The following METTL24 variants were observed in gnomAD, a reference collection of about 807,000 sequenced individuals.
METTL24 encodes probable methyltransferase-like protein 24.
Under a neutral mutation model 32.7 loss-of-function variants are expected in METTL24, and 29 were observed. That is an observed-to-expected ratio of 0.89 (90% CI 0.66 to 1.21). The LOEUF (loss-of-function observed/expected upper bound fraction) is 1.21. Among genes scored for constraint, METTL24 ranks in the 50% most tolerant of loss-of-function variants. METTL24 has a pLI of 0.00. For missense variants in METTL24, 439 were observed against 468.1 expected (o/e 0.94, Z 0.57); for synonymous variants, 163 against 179.5 (o/e 0.91, Z 0.73).
Position 110,244,048 on chromosome 6 carries a change from T to C in METTL24, c.*1898A>G, listed in dbSNP as rs1289928920. Among the ~76,000 whole-genome samples the C allele has an allele frequency of 6.6e-6, 1 of 152,216 alleles. No individual in the cohort carries two copies. Among genetic ancestry groups the C allele is most frequent in the African/African-American group, 2.4e-5 (1 of 41,460 alleles). Reference sequence around the variant, plus strand: ...TTTGAACCGCTGAGAACCTAAACTTTCCACTTAACTTTTAATGTAGAAAGG... The same window carrying C: ...TTTGAACCGCTGAGAACCTAAACTTCCCACTTAACTTTTAATGTAGAAAGG... On this transcript the variant is annotated 3_prime_UTR_variant, in exon 5 of 5. Transcript: ENST00000338882.
chr6:110,342,244 G>C (rs1562243457), intron 1 of METTL24, among the ~76,000 whole-genome samples: 2 of 152,198 alleles, frequency 1.3e-5, no homozygotes, highest in Non-Finnish European at 2.9e-5. Context: ...TTCTAATGCA[G>C]GGCTGTGTGT....
At chr6:110,316,160 A>C (rs1446383181) in intron 2 of METTL24, among the ~76,000 whole-genome samples, 1 of 152,218 alleles carries the variant, frequency 6.6e-6, no homozygotes, top group East Asian at 1.9e-4. Flanking sequence ...GGAGAAGGGC[A>C]ACAGCCCCAG....
In METTL24 at chr6:110,295,839, A is replaced by AAGGAAGGAAGGAAGGT. The variant is rs1489372551; in HGVS notation, c.786+3082_786+3083insACCTTCCTTCCTTCCT. ...GAAGGAAGGAAGGAAGGAAGGAAGG[A>AAGGAAGGAAGGAAGGT]AGGTTCTCTATAAAATGTACTAAAA... is the stretch of plus-strand genomic sequence containing the variant. On this transcript the variant is annotated intron_variant, in intron 4 of 4. Transcript: ENST00000338882. Among the ~76,000 whole-genome samples the AAGGAAGGAAGGAAGGT allele has an allele frequency of 2.4e-3, 351 of 149,262 alleles. 2 individuals are homozygous for AAGGAAGGAAGGAAGGT. The highest frequency in any genetic ancestry group is 7.3e-3 in the African/African-American group (300 of 41,068).
intron 3 of METTL24, among the ~76,000 whole-genome samples, chr6:110,302,518 CATATGTGTATAT>C (rs1562230828): frequency 2.6e-5 from 3 of 114,876 alleles, no homozygotes; most frequent in African/African-American, 9.3e-5. Flanking sequence ...TATACACACA[CATATGTGTATAT>C]ATACACATAT....
intron 4 of METTL24, among the ~76,000 whole-genome samples, chr6:110,283,775 CA>C (rs1422044733): frequency 6.6e-6 from 1 of 152,054 alleles, no homozygotes; most frequent in East Asian, 1.9e-4. Flanking sequence ...GGTGGTTCCT[CA>C]AAAAATTAAA....
At chr6:110,288,681 A>G (rs1771266838) in intron 4 of METTL24, among the ~76,000 whole-genome samples, 1 of 152,186 alleles carries the variant, frequency 6.6e-6, no homozygotes, top group African/African-American at 2.4e-5. Context: ...CAAAAAGGAC[A>G]CAGCAGAGCT....
intron 4 of METTL24, among the ~76,000 whole-genome samples, chr6:110,260,927 G>C (rs1431946775): frequency 6.6e-6 from 1 of 152,158 alleles, no homozygotes; most frequent in Non-Finnish European, 1.5e-5. Flanking sequence ...GAGAGATTTT[G>C]TCACCACAAG....
intron 3 of METTL24, among the ~76,000 whole-genome samples, chr6:110,306,579 ATTAAT>A (rs1771631731): frequency 1.3e-5 from 2 of 152,146 alleles, no homozygotes; most frequent in Admixed American, 6.5e-5. Flanking sequence ...AATTTTTTGG[ATTAAT>A]TTATGTTATA....
intron 4 of METTL24, among the ~76,000 whole-genome samples, chr6:110,246,807 T>A (rs1405327098): frequency 3.3e-5 from 5 of 152,166 alleles, no homozygotes; most frequent in African/African-American, 4.8e-5. Context: ...GGGACTATCT[T>A]GCAGGCCTCA....
intron 3 of METTL24, among the ~76,000 whole-genome samples, chr6:110,303,135 T>C (rs772593928): frequency 3.3e-5 from 5 of 152,160 alleles, no homozygotes; most frequent in Non-Finnish European, 7.3e-5. Flanking sequence ...CCAGCCCGGA[T>C]ACTACGCTTT....
intron 1 of METTL24, among the ~76,000 whole-genome samples, chr6:110,352,281 C>T (rs1288024548): frequency 6.6e-6 from 1 of 152,226 alleles, no homozygotes; most frequent in Non-Finnish European, 1.5e-5. Context: ...TTAACAACCT[C>T]TGTCTTATAG....
intron 4 of METTL24, among the ~76,000 whole-genome samples, chr6:110,262,799 G>T (rs1396221176): frequency 6.6e-6 from 1 of 152,206 alleles, no homozygotes; most frequent in African/African-American, 2.4e-5. Flanking sequence ...TCCCTGGGAT[G>T]CAAGGCTGGT....
intron 4 of METTL24, among the ~76,000 whole-genome samples, chr6:110,297,018 A>G (rs1771431902): frequency 6.6e-6 from 1 of 152,242 alleles, no homozygotes; most frequent in Admixed American, 6.5e-5. Context: ...CCAAAAAAAA[A>G]TCTCTATGGA....
rs372914016 is a variant in METTL24 at position 110,335,563 on chromosome 6, ATTGTTTTTTTT to A, written c.319-12702_319-12692del. On this transcript the variant is annotated intron_variant, in intron 1 of 4. Transcript: ENST00000338882. The stretch of plus-strand genomic sequence containing the variant: ...ACTTGCTTTGTACTTGTAGGGAATC[ATTGTTTTTTTT>A]TTTTTTTTTTTTTTTTTTTTATGAA... Among the ~76,000 whole-genome samples the A allele has an allele frequency of 1.5e-4, 17 of 113,650 alleles. 2 individuals carry two copies. The highest frequency in any genetic ancestry group is 1.4e-4 in the African/African-American group (4 of 27,794). The allele number at this position is 113,650 out of a possible 152,430, so 74.6% of individuals were successfully genotyped here. A position where few individuals can be genotyped will look rare whatever the true frequency, so the allele number is the denominator to read the frequency against.
intron 4 of METTL24, among the ~76,000 whole-genome samples, chr6:110,276,602 G>T (rs1771051382): frequency 6.6e-6 from 1 of 152,186 alleles, no homozygotes; most frequent in Non-Finnish European, 1.5e-5. Flanking sequence ...TCATTGGAAG[G>T]CCTTTCAGAA....
chr6:110,272,561 G>A (rs1770976826), intron 4 of METTL24, among the ~76,000 whole-genome samples: 1 of 152,170 alleles, frequency 6.6e-6, no homozygotes, highest in African/African-American at 2.4e-5. Context: ...TTCCATAGTG[G>A]TTGAACTAAT....
intron 4 of METTL24, among the ~76,000 whole-genome samples, chr6:110,286,915 A>T (rs540268322): frequency 3.3e-5 from 5 of 152,292 alleles, no homozygotes; most frequent in Admixed American, 2.6e-4. Context: ...CAGTTTTGGA[A>T]CTCCGACTGG....
intron 4 of METTL24, among the ~76,000 whole-genome samples, chr6:110,252,015 A>G (rs1196154070): frequency 1.3e-5 from 2 of 151,778 alleles, no homozygotes; most frequent in Non-Finnish European, 2.9e-5. Flanking sequence ...GAGGTGGTAC[A>G]CTCCTGTAAT....
chr6:110,338,873 G>A (rs926035363), intron 1 of METTL24, among the ~76,000 whole-genome samples: 1 of 152,060 alleles, frequency 6.6e-6, no homozygotes, highest in African/African-American at 2.4e-5. Context: ...TGCAACTATC[G>A]ATATTTGTTA....
Sources: gnomAD v4.1 joint callset for allele counts (sites outside exome capture counted in the v4.1 genomes callset) on GRCh38, gnomAD v4.1.1 for gene constraint, MANE v1.5 for transcripts, NCBI Gene and HGNC (gene_info 2026-07-23, HGNC 2026-07-21) for gene names.